SPHKAP: variants seen among roughly 807,000 people sequenced by gnomAD.
SPHKAP encodes SPHK1 interactor, AKAP domain containing.
In SPHKAP, 67 loss-of-function variants were observed where a neutral mutation model predicts 137.5. The observed-to-expected ratio is 0.49, with a 90% CI of 0.40 to 0.60. SPHKAP has a LOEUF of 0.60. Ranked by LOEUF, SPHKAP falls within the 20% of genes least tolerant of loss-of-function variation. The pLI is 0.00. For synonymous variants in SPHKAP, 813 were observed against 785.3 expected (o/e 1.04, Z -0.59); for missense variants, 2,097 against 2,069.3 (o/e 1.01, Z -0.26).
chr2:228,025,737 T>C (rs550820605), intron 4 of SPHKAP: 120 of 681,286 alleles, frequency 1.8e-4, no homozygotes, highest in Admixed American at 1.0e-3. Flanking sequence ...AACTCTTTAG[T>C]TCTACATTTT....
intron 2 of SPHKAP, among the ~76,000 whole-genome samples, chr2:228,110,291 A>C (rs1238683838): frequency 1.3e-5 from 2 of 151,964 alleles, no homozygotes; most frequent in Non-Finnish European, 2.9e-5. Flanking sequence ...ATCTAAAAAT[A>C]ATGAAAATTT....
At chr2:228,056,453 C>T (rs576554859) in intron 3 of SPHKAP, among the ~76,000 whole-genome samples, 1 of 152,154 alleles carries the variant, frequency 6.6e-6, no homozygotes, top group South Asian at 2.1e-4. Context: ...ATGGTGAAGT[C>T]GTGGCATAAC....
intron 3 of SPHKAP, among the ~76,000 whole-genome samples, chr2:228,030,790 T>C (rs1404329921): frequency 6.6e-6 from 1 of 152,070 alleles, no homozygotes; most frequent in East Asian, 1.9e-4. Flanking sequence ...AAAGCAATAT[T>C]GAAATATTGT....
intron 2 of SPHKAP, among the ~76,000 whole-genome samples, chr2:228,112,181 C>T (rs1574859648): frequency 1.3e-5 from 2 of 152,108 alleles, no homozygotes; most frequent in Non-Finnish European, 2.9e-5. Context: ...ATCAATAAAA[C>T]AAAGCACTCA....
chr2:227,991,571 G>A (rs1574714582), intron 9 of SPHKAP: 41 of 985,404 alleles, frequency 4.2e-5, no homozygotes, highest in Non-Finnish European at 4.9e-5. Flanking sequence ...ACTTTAGTTA[G>A]GATAGCTGGT....
intron 3 of SPHKAP, among the ~76,000 whole-genome samples, chr2:228,102,635 C>T (rs569325368): frequency 9.2e-4 from 140 of 152,146 alleles, no homozygotes; most frequent in Non-Finnish European, 1.7e-3. Flanking sequence ...AAAGCCTGCA[C>T]TCCATACAGT....
intron 1 of SPHKAP, among the ~76,000 whole-genome samples, chr2:228,151,560 G>C (rs987390208): frequency 7.9e-5 from 12 of 152,098 alleles, no homozygotes; most frequent in Admixed American, 6.5e-4. Context: ...CATTGTAAAA[G>C]TGTTCCTATT....
chr2:228,097,895 TG>T (rs1698042467), intron 3 of SPHKAP, among the ~76,000 whole-genome samples: 1 of 152,244 alleles, frequency 6.6e-6, no homozygotes, highest in Non-Finnish European at 1.5e-5. Context: ...GATGGGAATC[TG>T]GGTTAATTCC....
chr2:228,153,348 T>G lies in SPHKAP; in HGVS notation c.33-21263A>C, dbSNP rs144324352. 1.2e-4 allele frequency among the ~76,000 whole-genome samples: 18 copies of G among 152,364 alleles called. No individual in the cohort carries two copies. In the East Asian group the frequency reaches 3.5e-3, roughly 29 times the overall value. On this transcript the variant is annotated intron_variant, in intron 1 of 11. Coordinates refer to ENST00000392056, the MANE Select transcript of SPHKAP (RefSeq NM_001142644.2). The stretch of plus-strand genomic sequence containing the variant: ...TTCATTTTTTATTTCTTTTTGTATT[T>G]CACACATCATATCTGAGATTGTCTT...
intron 1 of SPHKAP, among the ~76,000 whole-genome samples, chr2:228,157,075 A>G (rs547953298): frequency 6.6e-6 from 1 of 152,334 alleles, no homozygotes; most frequent in African/African-American, 2.4e-5. Context: ...TTTATGTTGT[A>G]CTAGAGAAGA....
At chr2:228,003,891 C>T (rs1192145049) in intron 7 of SPHKAP, among the ~76,000 whole-genome samples, 1 of 152,182 alleles carries the variant, frequency 6.6e-6, no homozygotes, top group African/African-American at 2.4e-5. Flanking sequence ...TTGAACCAGC[C>T]TTGCATCCCA....
At chr2:228,039,816 A>T (rs1695771489) in intron 3 of SPHKAP, among the ~76,000 whole-genome samples, 2 of 152,210 alleles carry the variant, frequency 1.3e-5, no homozygotes, top group Admixed American at 1.3e-4. Context: ...ACTGATGATG[A>T]CAATTGTTGG....
At position 228,009,762 on chromosome 2, in the gene SPHKAP, G is replaced by C. The variant is rs187686706; in HGVS notation, c.4448+6644C>G. On this transcript the variant is annotated intron_variant, in intron 7 of 11. Transcript: ENST00000392056. Reference sequence around the variant, plus strand: ...TTTAAGTTGTGTTAGAACAAGTGTAGATTAGCCTTTATTTTTAGGGCTAGT... The same window carrying C: ...TTTAAGTTGTGTTAGAACAAGTGTACATTAGCCTTTATTTTTAGGGCTAGT... 6.5e-3 allele frequency among the ~76,000 whole-genome samples: 997 copies of C among 152,292 alleles called. 4 individuals carry two copies. Among genetic ancestry groups the C allele is most frequent in the Non-Finnish European group, 0.011 (751 of 68,022 alleles).
In SPHKAP at chr2:228,019,996, A is replaced by G; in HGVS notation, c.858T>C (p.Ser286=). The change falls in exon 7 of 12, where the codon TCT becomes TCC. Residue 286 remains serine (S), a synonymous_variant. Transcript: ENST00000392056. ...YPTPLIKTER[S]PENLTKNTAL... is the part of the protein sequence containing the mutation. ...CTGTGTTCTTTGTTAGGTTTTCTGG[A>G]GATCGTTCTGTTTTAATCAATGGTG... 6.2e-7 allele frequency: 1 copy of G among 1,614,154 alleles called. No individual in the cohort carries two copies. Among genetic ancestry groups the G allele is most frequent in the Non-Finnish European group, 8.5e-7 (1 of 1,180,036 alleles).
At chr2:228,170,211 AT>A (rs1363106030) in intron 1 of SPHKAP, among the ~76,000 whole-genome samples, 1 of 152,112 alleles carries the variant, frequency 6.6e-6, no homozygotes, top group Non-Finnish European at 1.5e-5. Flanking sequence ...GAGCAAATAA[AT>A]TTTTTTGTTT....
intron 3 of SPHKAP, among the ~76,000 whole-genome samples, chr2:228,039,985 G>A (rs1489631204): frequency 6.6e-6 from 1 of 152,156 alleles, no homozygotes; most frequent in Non-Finnish European, 1.5e-5. Flanking sequence ...GATGACAGCA[G>A]GGTTTTAGCC....
rs553200170 is a variant in SPHKAP, at chr2:228,045,762, A to AG, written c.247-18220dup. Among the ~76,000 whole-genome samples, 73 of 152,150 alleles carry AG rather than the reference A, an allele frequency of 4.8e-4. No individual in the cohort carries two copies. In the East Asian group the frequency reaches 0.01, roughly 21 times the overall value. On this transcript the variant is annotated intron_variant, in intron 3 of 11. Coordinates refer to ENST00000392056, the MANE Select transcript of SPHKAP (RefSeq NM_001142644.2). Reference sequence around the variant, plus strand: ...TTAAAGTATAATAATAATAAAAAAAAGAAAAAAAATAGAATCTGGAGGACA... The same window carrying AG: ...TTAAAGTATAATAATAATAAAAAAAAGGAAAAAAAATAGAATCTGGAGGACA...
At chr2:228,106,690 C>T (rs529068117) in intron 3 of SPHKAP, among the ~76,000 whole-genome samples, 2 of 152,124 alleles carry the variant, frequency 1.3e-5, no homozygotes, top group Non-Finnish European at 2.9e-5. Context: ...AATTCCTTGT[C>T]CTAGTCCATC....
intron 5 of SPHKAP, among the ~76,000 whole-genome samples, chr2:228,023,760 T>G (rs1694926192): frequency 6.6e-6 from 1 of 152,184 alleles, no homozygotes; most frequent in African/African-American, 2.4e-5. Flanking sequence ...TGAGTCAACC[T>G]CAGCAGAGTC....
Sources: gnomAD v4.1 joint callset for allele counts (sites outside exome capture counted in the v4.1 genomes callset) on GRCh38, gnomAD v4.1.1 for gene constraint, MANE v1.5 for transcripts, NCBI Gene and HGNC (gene_info 2026-07-23, HGNC 2026-07-21) for gene names.